The following ALX4 variants were observed in gnomAD, a reference collection of about 807,000 sequenced individuals.
ALX4 encodes homeobox protein aristaless-like 4.
ALX4 carries 22 observed loss-of-function variants against 40.6 expected under a neutral mutation model. That is an observed-to-expected ratio of 0.54 (90% confidence interval 0.39 to 0.77). ALX4 has a LOEUF of 0.77. ALX4 is among the 30% of genes least tolerant of loss of function. The pLI is 0.00. For missense variants in ALX4, 556 were observed against 564.8 expected, an observed-to-expected ratio of 0.98 and a Z score of 0.16; for synonymous variants, 266 against 240.5, an observed-to-expected ratio of 1.11 and a Z score of -0.98.
At chr11:44,270,728 G>A (rs922511839) in intron 2 of ALX4, among the ~76,000 whole-genome samples, 2 of 152,104 alleles carry the variant, frequency 1.3e-5, no homozygotes, top group African/African-American at 2.4e-5. Context: ...AGCCAACCAC[G>A]AGGTCCCCAC....
chr11:44,283,006 G>A (rs1956318099), intron 1 of ALX4, among the ~76,000 whole-genome samples: 1 of 152,162 alleles, frequency 6.6e-6, no homozygotes, highest in Admixed American at 6.5e-5. Flanking sequence ...CACTTTGAGA[G>A]GCAGAGGCGG....
chr11:44,268,954 CT>C (rs1956229235), intron 2 of ALX4, among the ~76,000 whole-genome samples: 1 of 152,254 alleles, frequency 6.6e-6, no homozygotes, highest in South Asian at 2.1e-4. Context: ...TTGCCAGGCC[CT>C]TCCAGGCCCA....
chr11:44,285,773 G>A (rs541492859), intron 1 of ALX4, among the ~76,000 whole-genome samples: 1 of 151,742 alleles, frequency 6.6e-6, no homozygotes, highest in East Asian at 1.9e-4. Flanking sequence ...TCAAAGCTCA[G>A]CCAAGGGCCA....
rs1313405783 is a variant in ALX4, at chr11:44,262,904, C to T, written c.*1950G>A. 1 of 152,206 alleles carries T rather than the reference C, an allele frequency of 6.6e-6. No individual in the cohort carries two copies. The highest frequency in any genetic ancestry group is 1.5e-5 in the Non-Finnish European group (1 of 68,050). The allele number at this position is 152,206 out of a possible 1,614,324, so 9.4% of individuals were successfully genotyped here. A position where few individuals can be genotyped will look rare whatever the true frequency, so the allele number is the denominator to read the frequency against. On this transcript the variant is annotated 3_prime_UTR_variant, in exon 4 of 4. Transcript: ENST00000652299. ...TAGAAAAAACTTCCCAAAAGTCACTCCAAATCCTCAAATATTTGAAACACT... is the reference window on the plus strand; with the variant it reads ...TAGAAAAAACTTCCCAAAAGTCACTTCAAATCCTCAAATATTTGAAACACT...
chr11:44,278,350 C>T (rs966585213), intron 1 of ALX4, among the ~76,000 whole-genome samples: 20 of 152,302 alleles, frequency 1.3e-4, no homozygotes, highest in Non-Finnish European at 2.2e-4. Flanking sequence ...CCCTCTACTC[C>T]CTCCCCTGCG....
intron 1 of ALX4, among the ~76,000 whole-genome samples, chr11:44,298,458 G>A (rs763265983): frequency 1.3e-5 from 2 of 152,160 alleles, no homozygotes; most frequent in Non-Finnish European, 2.9e-5. Context: ...GAGTGAATGG[G>A]GGACTAAGGG....
chr11:44,284,125 A>G (rs1956325244), intron 1 of ALX4, among the ~76,000 whole-genome samples: 1 of 151,996 alleles, frequency 6.6e-6, no homozygotes, highest in African/African-American at 2.4e-5. Flanking sequence ...CAAAAAGAGG[A>G]AGGGAGTGGA....
At chr11:44,296,307 A>G (rs1178238672) in intron 1 of ALX4, among the ~76,000 whole-genome samples, 1 of 152,234 alleles carries the variant, frequency 6.6e-6, no homozygotes, top group Non-Finnish European at 1.5e-5. Context: ...ATTCAAAATT[A>G]AAGTCATCAA....
At chr11:44,305,974 C>A (rs998569382) in intron 1 of ALX4, among the ~76,000 whole-genome samples, 3 of 152,220 alleles carry the variant, frequency 2.0e-5, no homozygotes, top group Non-Finnish European at 4.4e-5. Flanking sequence ...GGCGAGGCGC[C>A]GGAGTCCCTG....
chr11:44,303,357 G>C (rs11037948), intron 1 of ALX4, among the ~76,000 whole-genome samples: 54,439 of 152,046 alleles, frequency 0.36, 11,953 homozygotes, highest in South Asian at 0.65. Flanking sequence ...TTGACCAAGC[G>C]GTCCCGAGTA....
chr11:44,308,072 A>T (rs1045226254), intron 1 of ALX4, among the ~76,000 whole-genome samples: 1 of 152,166 alleles, frequency 6.6e-6, no homozygotes, highest in African/African-American at 2.4e-5. Flanking sequence ...GGGAAGGGCC[A>T]CTGAATCTTT....
chr11:44,282,239 A>G (rs1956314214), intron 1 of ALX4, among the ~76,000 whole-genome samples: 1 of 152,232 alleles, frequency 6.6e-6, no homozygotes, highest in African/African-American at 2.4e-5. Flanking sequence ...GGGAGCAAAT[A>G]AGCATGAAAT....
Position 44,265,101 on chromosome 11 carries a change from G to A in ALX4, c.989C>T (p.Ala330Val). Residue 330 changes from alanine to valine, a missense_variant, in exon 4 of 4, where the codon GCC (alanine) becomes GTC (valine). Coordinates refer to ENST00000652299, the MANE Select transcript of ALX4 (RefSeq NM_021926.4). Reference sequence around the variant, plus strand: ...GGGGTGGGCATGAGGGGACATGCAGGCAGGCACCGGGTCGCAGGGGACCAC... The same window carrying A: ...GGGGTGGGCATGAGGGGACATGCAGACAGGCACCGGGTCGCAGGGGACCAC... Reference protein sequence around the residue: ...ACVVPCDPVPACMSPHAHPPG... With the variant: ...ACVVPCDPVPVCMSPHAHPPG... The A allele has an allele frequency of 1.2e-6, 2 of 1,612,424 alleles. No individual in the cohort carries two copies. The highest frequency in any genetic ancestry group is 2.2e-5 in the South Asian group (2 of 91,052).
chr11:44,294,373 A>G (rs11820529), intron 1 of ALX4, among the ~76,000 whole-genome samples: 1,815 of 152,338 alleles, frequency 0.012, 35 homozygotes, highest in African/African-American at 0.042. Context: ...TGTGCTGATC[A>G]GAGAGGAACA....
intron 1 of ALX4, among the ~76,000 whole-genome samples, chr11:44,309,267 C>T (rs1329358415): frequency 1.3e-5 from 2 of 148,924 alleles, no homozygotes; most frequent in African/African-American, 2.4e-5. Flanking sequence ...TGCCGCCGCA[C>T]GCCCTGGGCC....
In ALX4 at chr11:44,265,643, C is replaced by T. The variant is rs113497351; in HGVS notation, c.907-460G>A. ...GGCCTCGCAGGTTCCCTTGGGCCCC[C>T]ACCAGTAGCAGGGAAGATGGAGGGG... On this transcript the variant is annotated intron_variant, in intron 3 of 3. Transcript: ENST00000652299. 3.3e-5 allele frequency among the ~76,000 whole-genome samples: 5 copies of T among 152,270 alleles called. 1 individual carries two copies. Among genetic ancestry groups the T allele is most frequent in the African/African-American group, 1.2e-4 (5 of 41,552 alleles).
chr11:44,304,091 C>T (rs1226433458), intron 1 of ALX4, among the ~76,000 whole-genome samples: 1 of 151,804 alleles, frequency 6.6e-6, no homozygotes, highest in Non-Finnish European at 1.5e-5. Flanking sequence ...TCTCACCTGT[C>T]TAGTGGCACC....
In ALX4 at chr11:44,278,657, G is replaced by A. The variant is rs543149795; in HGVS notation, c.467-2999C>T. Among the ~76,000 whole-genome samples the A allele has an allele frequency of 3.0e-4, 45 of 152,296 alleles. 1 individual carries two copies. In the South Asian group the frequency reaches 8.7e-3, roughly 30 times the overall value. On this transcript the variant is annotated intron_variant, in intron 1 of 3. Transcript: ENST00000652299. ...GAGATAGAGGTGGCACAGGGTGTGC[G>A]AAGACCACCAGGCCAAGAGTTGGGA... is the stretch of plus-strand genomic sequence containing the variant.
In ALX4 at chr11:44,304,972, T is replaced by C. The variant is rs1956457766; in HGVS notation, c.466+4625A>G. ...CGCATTAGAATCGGGACCGCGCAAA[T>C]GCCCTGGCTGAAGTGTCACCCTATT... On this transcript the variant is annotated intron_variant, in intron 1 of 3. Coordinates refer to ENST00000652299, the MANE Select transcript of ALX4 (RefSeq NM_021926.4). Among the ~76,000 whole-genome samples, 3 of 152,232 alleles carry C rather than the reference T, an allele frequency of 2.0e-5. No homozygotes were observed. The South Asian group carries it at 6.2e-4, about 31-fold the overall frequency.
Sources: gnomAD v4.1 joint callset for allele counts (sites outside exome capture counted in the v4.1 genomes callset) on GRCh38, gnomAD v4.1.1 for gene constraint, MANE v1.5 for transcripts, NCBI Gene and HGNC (gene_info 2026-07-23, HGNC 2026-07-21) for gene names.